The following PRDM11 variants were observed in gnomAD, a reference collection of about 807,000 sequenced individuals.
PRDM11 encodes PR domain-containing protein 11.
PRDM11 carries 20 observed loss-of-function variants against 97.8 expected under a neutral mutation model. That is an observed-to-expected ratio of 0.20 (90% confidence interval 0.14 to 0.30). PRDM11 has a LOEUF of 0.30. Among genes scored for constraint, PRDM11 ranks in the 10% least tolerant of loss-of-function variants. The pLI is 1.00. For synonymous variants in PRDM11, 599 were observed against 637.7 expected (o/e 0.94, Z 0.91); for missense variants, 1,139 against 1,555.2 (o/e 0.73, Z 4.50).
intron 1 of PRDM11, among the ~76,000 whole-genome samples, chr11:45,153,560 G>A (rs906771819): frequency 2.0e-5 from 3 of 152,252 alleles, no homozygotes; most frequent in Non-Finnish European, 4.4e-5. Flanking sequence ...GTCCTCTCAT[G>A]CCTCTTGCTG....
chr11:45,136,324 G>A (rs1852842803), intron 1 of PRDM11, among the ~76,000 whole-genome samples: 1 of 152,164 alleles, frequency 6.6e-6, no homozygotes, highest in Admixed American at 6.5e-5. Flanking sequence ...TAAAATTAAT[G>A]TGTGCCTAGT....
At chr11:45,163,955 A>G (rs975899729) in intron 1 of PRDM11, among the ~76,000 whole-genome samples, 1 of 152,040 alleles carries the variant, frequency 6.6e-6, no homozygotes. Flanking sequence ...GGAGAACCTG[A>G]GGTTTGGCAG....
intron 1 of PRDM11, among the ~76,000 whole-genome samples, chr11:45,125,359 G>A (rs895489479): frequency 0.039 from 5,899 of 151,948 alleles, 403 homozygotes; most frequent in African/African-American, 0.14. Context: ...CTCTGATTTT[G>A]GTTATTTCTT....
chr11:45,103,212 A>T (rs1484538414), intron 1 of PRDM11, among the ~76,000 whole-genome samples: 1 of 151,796 alleles, frequency 6.6e-6, no homozygotes, highest in Non-Finnish European at 1.5e-5. Flanking sequence ...AAGCCCAGAA[A>T]CCCTGACCAC....
chr11:45,202,338 G>T (rs1853359904), intron 4 of PRDM11, among the ~76,000 whole-genome samples: 1 of 152,134 alleles, frequency 6.6e-6, no homozygotes, highest in Non-Finnish European at 1.5e-5. Flanking sequence ...CTGCAATTAG[G>T]GCTCTTAAGG....
intron 1 of PRDM11, among the ~76,000 whole-genome samples, chr11:45,180,676 G>C (rs1852454846): frequency 1.3e-5 from 2 of 150,436 alleles, no homozygotes; most frequent in South Asian, 4.1e-4. Context: ...GGCGGGCGGG[G>C]GGCGGGCGCT....
At chr11:45,103,045 A>C (rs1294422314) in intron 1 of PRDM11, among the ~76,000 whole-genome samples, 1 of 152,084 alleles carries the variant, frequency 6.6e-6, no homozygotes, top group Non-Finnish European at 1.5e-5. Flanking sequence ...CAGAGAACCC[A>C]AGTCTCTCTA....
chr11:45,192,546 G>C (rs1403492176), intron 4 of PRDM11, among the ~76,000 whole-genome samples: 1 of 152,146 alleles, frequency 6.6e-6, no homozygotes, highest in Non-Finnish European at 1.5e-5. Context: ...TTGTATCAGA[G>C]CAAAAGTAGA....
chr11:45,164,218 G>A (rs1193721562), intron 1 of PRDM11, among the ~76,000 whole-genome samples: 1 of 152,234 alleles, frequency 6.6e-6, no homozygotes, highest in Admixed American at 6.5e-5. Context: ...TAGGTCTGGT[G>A]AGTGGGCAGC....
intron 1 of PRDM11, among the ~76,000 whole-genome samples, chr11:45,099,450 TAA>T (rs532403075): frequency 0.076 from 7,267 of 95,012 alleles, 820 homozygotes; most frequent in African/African-American, 0.28. Flanking sequence ...GACTCCATCT[TAA>T]AAAAAAAAAA....
chr11:45,219,778 G>T lies in PRDM11; in HGVS notation c.742+21G>T. The T allele has an allele frequency of 6.2e-7, 1 of 1,605,150 alleles. No homozygotes were observed. The highest frequency in any genetic ancestry group is 8.5e-7 in the Non-Finnish European group (1 of 1,174,880). ...CAGAGGTGAGTGCCATGCTCCACAT[G>T]AGCTGCGCCCACCTCTGAGCCCCAG... is the stretch of plus-strand genomic sequence containing the variant. On this transcript the variant is annotated intron_variant, in intron 6 of 7. Transcript: ENST00000683152. This position sits in a 1 kb window ranked among gnomAD's most constrained non-coding sequence, Gnocchi z 4.2.
At chr11:45,157,564 G>C (rs1302825984) in intron 1 of PRDM11, among the ~76,000 whole-genome samples, 1 of 152,198 alleles carries the variant, frequency 6.6e-6, no homozygotes, top group Non-Finnish European at 1.5e-5. Flanking sequence ...CCATCCAGGT[G>C]TATGCTTCCT....
chr11:45,182,769 A>G (rs1395025996), intron 3 of PRDM11, 92 bp from the exon 4 acceptor site: 11 of 1,411,906 alleles, frequency 7.8e-6, no homozygotes, highest in South Asian at 5.5e-5. Flanking sequence ...GCTGTCCATG[A>G]GTGGGCCTCC....
intron 1 of PRDM11, among the ~76,000 whole-genome samples, chr11:45,120,747 G>A (rs543813518): frequency 3.3e-5 from 5 of 152,130 alleles, no homozygotes; most frequent in Non-Finnish European, 7.4e-5. Context: ...ACAGGAAGGA[G>A]TGAATAGTAC....
At chr11:45,197,830 T>G (rs902890888) in intron 4 of PRDM11, among the ~76,000 whole-genome samples, 1 of 151,984 alleles carries the variant, frequency 6.6e-6, no homozygotes, top group Non-Finnish European at 1.5e-5. Context: ...ATGAGAACAC[T>G]TGGACACGGG....
At chr11:45,183,260 G>A in intron 4 of PRDM11, 137 bp downstream of exon 4, 1 of 1,230,608 alleles carries the variant, frequency 8.1e-7, no homozygotes, top group African/African-American at 1.5e-5. Context: ...GATGGATCTT[G>A]CTGTCCCCTG....
chr11:45,113,411 C>T (rs1211608837), intron 1 of PRDM11, among the ~76,000 whole-genome samples: 1 of 152,034 alleles, frequency 6.6e-6, no homozygotes, highest in African/African-American at 2.4e-5. Context: ...GTTCTTTTTG[C>T]TTAGTATTGC....
intron 1 of PRDM11, among the ~76,000 whole-genome samples, chr11:45,165,147 AG>A (rs1852029263): frequency 6.6e-6 from 1 of 152,152 alleles, no homozygotes; most frequent in Admixed American, 6.5e-5. Context: ...GTCCTGTTCC[AG>A]AGCCCATGTT....
intron 7 of PRDM11, among the ~76,000 whole-genome samples, chr11:45,225,410 C>G (rs1854250401): frequency 1.3e-5 from 2 of 152,322 alleles, no homozygotes; most frequent in South Asian, 4.1e-4. Context: ...TGGTTGACAA[C>G]TAGGCAGGTG....
Sources: gnomAD v4.1 joint callset for allele counts (sites outside exome capture counted in the v4.1 genomes callset) on GRCh38, gnomAD v4.1.1 for gene constraint, Gnocchi (gnomAD v3.1) non-coding constraint, MANE v1.5 for transcripts, NCBI Gene and HGNC (gene_info 2026-07-23, HGNC 2026-07-21) for gene names.